LAMA3: variants seen among roughly 807,000 people sequenced by gnomAD.
The protein encoded by LAMA3 is laminin subunit alpha 3.
Under a neutral mutation model 402.0 loss-of-function variants are expected in LAMA3, and 281 were observed. That is an observed-to-expected ratio of 0.70 (90% CI 0.63 to 0.77). The LOEUF is 0.77. LAMA3 is among the 30% of genes least tolerant of loss of function. LAMA3 has a pLI of 0.00. For missense variants in LAMA3, 3,840 were observed against 4,215.5 expected (o/e 0.91, Z 2.47); for synonymous variants, 1,431 against 1,558.4 (o/e 0.92, Z 1.93).
At chr18:23,692,113 T>C (rs2060600310) in intron 1 of LAMA3, among the ~76,000 whole-genome samples, 2 of 152,310 alleles carry the variant, frequency 1.3e-5, no homozygotes, top group South Asian at 4.1e-4. Flanking sequence ...GTACACGTCT[T>C]TTGCTGTCTA....
Position 23,815,465 on chromosome 18 carries a change from C to A in LAMA3, c.1942-3C>A, listed in dbSNP as rs779572820. On this transcript the variant is annotated splice_region_variant and splice_polypyrimidine_tract_variant and intron_variant, in intron 16 of 74. Transcript: ENST00000313654. ...TGTTGTCATCTGGCTCACTGTTCTG[C>A]AGGGAGATGGTGACTGTCACTGCAA... is the stretch of plus-strand genomic sequence containing the variant. 8.1e-6 allele frequency: 13 copies of A among 1,609,690 alleles called. No individual in the cohort carries two copies. The highest frequency in any genetic ancestry group is 1.3e-5 in the African/African-American group (1 of 74,832).
At chr18:23,893,878 A>G (rs2080779813) in intron 42 of LAMA3, among the ~76,000 whole-genome samples, 1 of 152,262 alleles carries the variant, frequency 6.6e-6, no homozygotes, top group African/African-American at 2.4e-5. Context: ...CAGCATGAAC[A>G]TACAAGAGGC....
At chr18:23,722,666 A>T (rs1228427879) in intron 2 of LAMA3, among the ~76,000 whole-genome samples, 1 of 152,238 alleles carries the variant, frequency 6.6e-6, no homozygotes, top group Non-Finnish European at 1.5e-5. Flanking sequence ...GGCTGTAGGC[A>T]GTCAACATAA....
chr18:23,792,735 G>A (rs1180265536), intron 12 of LAMA3, among the ~76,000 whole-genome samples: 1 of 152,158 alleles, frequency 6.6e-6, no homozygotes, highest in South Asian at 2.1e-4. Context: ...TGCCGCATTG[G>A]GAATGGCCTG....
intron 9 of LAMA3, 149 bp downstream of exon 9, chr18:23,773,736 C>A (rs1044619067): frequency 1.5e-6 from 1 of 663,678 alleles, no homozygotes; most frequent in South Asian, 1.6e-5. Context: ...CAGTCACTTA[C>A]ACAGTCTCTT....
At chr18:23,934,649 C>T (rs1386206181) in intron 67 of LAMA3, among the ~76,000 whole-genome samples, 3 of 152,184 alleles carry the variant, frequency 2.0e-5, no homozygotes, top group African/African-American at 4.8e-5. Context: ...GTGGGCACCT[C>T]GGATCTGCCA....
At chr18:23,702,601 A>G (rs975788076) in intron 1 of LAMA3, among the ~76,000 whole-genome samples, 4 of 152,214 alleles carry the variant, frequency 2.6e-5, no homozygotes, top group African/African-American at 7.2e-5. Context: ...TGTTGAGATT[A>G]TAAGTGTGAG....
intron 32 of LAMA3, among the ~76,000 whole-genome samples, chr18:23,855,177 T>A (rs2064043438): frequency 6.6e-6 from 1 of 152,146 alleles, no homozygotes; most frequent in Non-Finnish European, 1.5e-5. Flanking sequence ...TCTTATTAAT[T>A]CACCCTTGGC....
intron 72 of LAMA3, 88 bp from the exon 73 acceptor site, chr18:23,951,596 T>C: frequency 2.0e-6 from 2 of 977,654 alleles, no homozygotes; most frequent in Non-Finnish European, 1.6e-6. Context: ...AGCTGTCAGT[T>C]GGCCCGGTTT....
chr18:23,806,294 A>C (rs547109173), intron 12 of LAMA3, among the ~76,000 whole-genome samples: 1 of 152,298 alleles, frequency 6.6e-6, no homozygotes, highest in South Asian at 2.1e-4. Context: ...ATATTCCTCA[A>C]ATTGCTGTCT....
At chr18:23,894,874 C>A in intron 43 of LAMA3, 33 bp from the exon 44 acceptor site, 1 of 1,614,082 alleles carries the variant, frequency 6.2e-7, no homozygotes, top group Non-Finnish European at 8.5e-7. Context: ...GCTCCCCCCA[C>A]AGCACATTTG....
rs377607871 is a variant in LAMA3 at position 23,857,840 on chromosome 18, A to G, written c.4137-4A>G. On this transcript the variant is annotated splice_region_variant and splice_polypyrimidine_tract_variant and intron_variant, in intron 32 of 74. Transcript: ENST00000313654. ...GATTTTTGCTTCCTTTACTTTGTGT[A>G]CAGATGCAAGCCCAGAATCACAGGG... is the stretch of plus-strand genomic sequence containing the variant. 40 of 1,614,250 alleles carry G rather than the reference A, an allele frequency of 2.5e-5. No individual in the cohort carries two copies. In the East Asian group the frequency reaches 4.0e-4, roughly 16 times the overall value.
rs754978659 is a variant in LAMA3 at position 23,714,042 on chromosome 18, C to G, written c.417C>G (p.Asn139Lys). The G allele has an allele frequency of 6.2e-7, 1 of 1,613,908 alleles. No homozygotes were observed. Among genetic ancestry groups the G allele is most frequent in the East Asian group, 2.2e-5 (1 of 44,876 alleles). ...CCCTGTCCTCAGGCACACAGTACAA[C>G]AGAGTCAACCTCACCTTGGATCTGG... Reference protein sequence around the residue: ...SPPLSSGTQYNRVNLTLDLGQ... With the variant: ...SPPLSSGTQYKRVNLTLDLGQ... Residue 139 changes from asparagine (N) to lysine (K), a missense_variant, in exon 2 of 75, where the codon AAC (asparagine) becomes AAG (lysine). Around this residue, in one of 3 missense-constraint regions of LAMA3, gnomAD observed 2,109 missense variants for 2,376.0 expected, o/e 0.89. Transcript: ENST00000313654.
intron 11 of LAMA3, among the ~76,000 whole-genome samples, chr18:23,780,810 A>C (rs1363037677): frequency 6.6e-6 from 1 of 152,228 alleles, no homozygotes; most frequent in African/African-American, 2.4e-5. Flanking sequence ...CTATTCTGTC[A>C]CATGTGAAGG....
chr18:23,913,459 C>T (rs1568336322), intron 56 of LAMA3, among the ~76,000 whole-genome samples: 1 of 152,204 alleles, frequency 6.6e-6, no homozygotes, highest in Non-Finnish European at 1.5e-5. Context: ...AAATTCACTA[C>T]CCATACAGGC....
intron 42 of LAMA3, among the ~76,000 whole-genome samples, chr18:23,890,858 G>T (rs976407218): frequency 2.0e-5 from 3 of 152,176 alleles, no homozygotes; most frequent in Non-Finnish European, 2.9e-5. Flanking sequence ...GGTATTTATT[G>T]TCATGCCTCA....
chr18:23,821,161 C>A (rs1477644199), intron 19 of LAMA3, among the ~76,000 whole-genome samples: 1 of 152,226 alleles, frequency 6.6e-6, no homozygotes, highest in African/African-American at 2.4e-5. Flanking sequence ...CAAAGGAATT[C>A]ATCTCTAATG....
chr18:23,807,438 A>G (rs2062983801), intron 12 of LAMA3, among the ~76,000 whole-genome samples: 1 of 151,274 alleles, frequency 6.6e-6, no homozygotes, highest in African/African-American at 2.5e-5. Context: ...ACCTATGTAC[A>G]TATAATATAT....
intron 12 of LAMA3, among the ~76,000 whole-genome samples, chr18:23,797,702 G>A (rs937551665): frequency 9.3e-5 from 14 of 150,744 alleles, no homozygotes; most frequent in South Asian, 2.1e-4. Flanking sequence ...GCAACAGAGC[G>A]AGACTCCGTC....
Sources: gnomAD v4.1 joint callset for allele counts (sites outside exome capture counted in the v4.1 genomes callset) on GRCh38, gnomAD v4.1.1 for gene constraint, gnomAD v4.1.1 regional missense constraint, MANE v1.5 for transcripts, NCBI Gene and HGNC (gene_info 2026-07-23, HGNC 2026-07-21) for gene names.